TEK: variants seen among roughly 807,000 people sequenced by gnomAD.
The protein encoded by TEK is angiopoietin-1 receptor.
A neutral mutation model predicts 131.8 loss-of-function variants in TEK; 43 were observed. The observed-to-expected ratio is 0.33, with a 90% CI of 0.26 to 0.42. The LOEUF (loss-of-function observed/expected upper bound fraction) is 0.42, where lower values mean the gene tolerates loss of function less well. TEK is among the 10% of genes least tolerant of loss of function. The pLI, the probability that TEK is intolerant of heterozygous loss-of-function variation, is 1.00. For missense variants in TEK, 1,162 were observed against 1,384.4 expected (o/e 0.84, Z 2.55); for synonymous variants, 580 against 491.6 (o/e 1.18, Z -2.38).
At chr9:27,226,045 C>A (rs1298027425) in intron 21 of TEK, among the ~76,000 whole-genome samples, 1 of 152,176 alleles carries the variant, frequency 6.6e-6, no homozygotes, top group Non-Finnish European at 1.5e-5. Flanking sequence ...CATTTCACAC[C>A]AGTTAGAATA....
chr9:27,201,558 A>AT (rs887262442), intron 12 of TEK, among the ~76,000 whole-genome samples: 4 of 152,146 alleles, frequency 2.6e-5, no homozygotes, highest in African/African-American at 9.7e-5. Context: ...ATTAATTGTG[A>AT]TTTTTGGATA....
intron 15 of TEK, among the ~76,000 whole-genome samples, chr9:27,207,521 T>C (rs905250995): frequency 5.3e-5 from 8 of 152,220 alleles, no homozygotes; most frequent in African/African-American, 1.7e-4. Context: ...TCTAATAATA[T>C]TTGATAATAT....
chr9:27,191,400 C>A (rs1275041153), intron 10 of TEK, among the ~76,000 whole-genome samples: 1 of 152,024 alleles, frequency 6.6e-6, no homozygotes, highest in African/African-American at 2.4e-5. Flanking sequence ...AATGTAAAAT[C>A]ACAATTTTAA....
intron 1 of TEK, among the ~76,000 whole-genome samples, chr9:27,128,960 C>G (rs1304485045): frequency 3.3e-5 from 5 of 152,076 alleles, no homozygotes; most frequent in African/African-American, 9.7e-5. Context: ...ACGTGAATAC[C>G]CTTTGTTTCT....
intron 14 of TEK, among the ~76,000 whole-genome samples, chr9:27,205,942 A>T (rs1825383651): frequency 6.7e-6 from 1 of 148,348 alleles, no homozygotes; most frequent in South Asian, 2.2e-4. Context: ...GTCGCTGGAG[A>T]AGAAGGGCCA....
At chr9:27,180,139 A>C in intron 6 of TEK, 101 bp from the exon 7 acceptor site, 1 of 1,551,684 alleles carries the variant, frequency 6.4e-7, no homozygotes, top group East Asian at 2.3e-5. Flanking sequence ...CAAATCAGCA[A>C]AGTTGATGGC....
At position 27,206,741 on chromosome 9, in the gene TEK, C is replaced by T. The variant is rs147231791; in HGVS notation, c.2524C>T (p.Arg842Cys). 46 of 1,613,948 alleles carry T rather than the reference C, an allele frequency of 2.9e-5. No individual in the cohort carries two copies. Among genetic ancestry groups the T allele is most frequent in the East Asian group, 8.9e-5 (4 of 44,862 alleles). Residue 842 changes from arginine to cysteine, a missense_variant, in exon 15 of 23, where the codon CGC becomes TGC. Around this residue, in one of 6 missense-constraint regions of TEK, gnomAD observed 57 missense variants for 100.8 expected, o/e 0.57. Transcript: ENST00000380036. ...CAATTTTGGCCAAGTTCTTAAGGCG[C>T]GCATCAAGAAGGATGGGTTACGGAT... ...EGNFGQVLKA[R>C]IKKDGLRMDA...
chr9:27,173,465 G>A, intron 6 of TEK, 103 bp downstream of exon 6: 2 of 1,405,864 alleles, frequency 1.4e-6, no homozygotes, highest in South Asian at 2.3e-5. Flanking sequence ...GGACTGCTTA[G>A]CTACCCACTA....
At chr9:27,110,109 T>A (rs1821278867) in intron 1 of TEK, among the ~76,000 whole-genome samples, 1 of 151,964 alleles carries the variant, frequency 6.6e-6, no homozygotes, top group South Asian at 2.1e-4. Flanking sequence ...GGAACAAAGA[T>A]GCTTTTCTGT....
chr9:27,222,167 A>G (rs1826110617), intron 21 of TEK, among the ~76,000 whole-genome samples: 2 of 152,214 alleles, frequency 1.3e-5, no homozygotes, highest in South Asian at 4.1e-4. Flanking sequence ...TAAAGCATGA[A>G]GACAAGATTA....
chr9:27,184,107 A>G (rs1026671261), intron 8 of TEK, among the ~76,000 whole-genome samples: 13 of 152,138 alleles, frequency 8.5e-5, no homozygotes, highest in African/African-American at 2.9e-4. Flanking sequence ...AGCATAGAAG[A>G]GGAGAGTTCC....
intron 1 of TEK, among the ~76,000 whole-genome samples, chr9:27,154,528 C>A (rs775313997): frequency 2.0e-5 from 3 of 152,230 alleles, no homozygotes; most frequent in Non-Finnish European, 4.4e-5. Flanking sequence ...TGTGCCCCAA[C>A]TACCCAGTTC....
chr9:27,147,007 G>T (rs1010966167), intron 1 of TEK, among the ~76,000 whole-genome samples: 1 of 152,142 alleles, frequency 6.6e-6, no homozygotes, highest in Admixed American at 6.5e-5. Flanking sequence ...GGGATTACAG[G>T]CGTGAGACAC....
At chr9:27,196,488 T>C (rs1293587282) in intron 11 of TEK, among the ~76,000 whole-genome samples, 1 of 152,212 alleles carries the variant, frequency 6.6e-6, no homozygotes, top group African/African-American at 2.4e-5. Context: ...CCTTTAGCGC[T>C]GTCATTGACT....
At chr9:27,220,234 A>G in intron 21 of TEK, 89 bp downstream of exon 21, 1 of 1,172,628 alleles carries the variant, frequency 8.5e-7, no homozygotes, top group African/African-American at 1.5e-5. Flanking sequence ...GTCAGCCGGT[A>G]TACACTATAC....
chr9:27,220,242 T>C, intron 21 of TEK, 97 bp downstream of exon 21: 1 of 1,075,872 alleles, frequency 9.3e-7, no homozygotes, highest in South Asian at 1.3e-5. Context: ...GTATACACTA[T>C]ACACAAACAC....
chr9:27,212,477 T>C (rs762775334), intron 16 of TEK, among the ~76,000 whole-genome samples: 2 of 152,102 alleles, frequency 1.3e-5, no homozygotes, highest in Non-Finnish European at 2.9e-5. Flanking sequence ...TTGGTAGGAA[T>C]GGAGAGGGGG....
intron 1 of TEK, among the ~76,000 whole-genome samples, chr9:27,116,325 G>A (rs1170373023): frequency 6.6e-6 from 1 of 151,986 alleles, no homozygotes; most frequent in East Asian, 1.9e-4. Flanking sequence ...GTCTTGCTGT[G>A]TCGCCCAGGC....
intron 11 of TEK, 101 bp from the exon 12 acceptor site, chr9:27,197,214 C>A: frequency 7.4e-7 from 1 of 1,346,436 alleles, no homozygotes; most frequent in Non-Finnish European, 1.0e-6. Flanking sequence ...GCCCCACCTC[C>A]AACACTGGGG....
Sources: gnomAD v4.1 joint callset for allele counts (sites outside exome capture counted in the v4.1 genomes callset) on GRCh38, gnomAD v4.1.1 for gene constraint, gnomAD v4.1.1 regional missense constraint, MANE v1.5 for transcripts, NCBI Gene and HGNC (gene_info 2026-07-23, HGNC 2026-07-21) for gene names.